Variants in HK1 observed in about 807,000 individuals in gnomAD.
The protein encoded by HK1 is hexokinase-1.
A neutral mutation model predicts 91.6 loss-of-function variants in HK1; 28 were observed. The observed-to-expected ratio is 0.31, with a 90% CI of 0.23 to 0.42. The LOEUF (loss-of-function observed/expected upper bound fraction) is 0.42, where lower values mean the gene tolerates loss of function less well. Ranked by LOEUF, HK1 falls within the 10% of genes least tolerant of loss-of-function variation. HK1 has a pLI of 1.00. For synonymous variants in HK1, 430 were observed against 468.1 expected, an observed-to-expected ratio of 0.92 and a Z score of 1.05; for missense variants, 770 against 1,219.8, an observed-to-expected ratio of 0.63 and a Z score of 5.49.
chr10:69,353,204 C>T (rs565160526), intron 2 of HK1, among the ~76,000 whole-genome samples: 3 of 152,248 alleles, frequency 2.0e-5, no homozygotes, highest in African/African-American at 7.2e-5. Flanking sequence ...CCCCATGCCG[C>T]CTCCAGGGAG....
Position 69,360,121 on chromosome 10 carries a change from G to A in HK1, c.375+76G>A, listed in dbSNP as rs1043755055. On this transcript the variant is annotated intron_variant, in intron 3 of 17. Transcript: ENST00000359426. ...TTACCTCCAGGAACCAGGCCTCAAA[G>A]CACTGGCATCCCAAGCCCCTGGAAG... 40 of 1,397,892 alleles carry A rather than the reference G, an allele frequency of 2.9e-5. No individual in the cohort carries two copies. The African/African-American group carries it at 4.9e-4, about 17-fold the overall frequency. 86.6% of individuals were successfully genotyped at this position (1,397,892 alleles called of 1,614,324 possible).
chr10:69,369,583 C>T lies in HK1; in HGVS notation c.834C>T (p.Asp278=), dbSNP rs1849892295. The change falls in exon 7 of 18, where the codon GAC becomes GAT. Residue 278 remains aspartate (D), a synonymous_variant. Transcript: ENST00000359426. The surrounding 1 kb of genome is among the most constrained non-coding windows in gnomAD (Gnocchi z 4.4). ...GSLEDIRTEF[D]REIDRGSLNP... is the part of the protein sequence containing the mutation. ...TAGAAGACATCCGGACAGAGTTTGA[C>T]AGGGAGATAGACCGGGGATCCCTCA... is the stretch of plus-strand genomic sequence containing the variant. 3.1e-6 allele frequency: 5 copies of T among 1,614,200 alleles called. No individual in the cohort carries two copies. Among genetic ancestry groups the T allele is most frequent in the Non-Finnish European group, 4.2e-6 (5 of 1,180,040 alleles).
In HK1 at chr10:69,401,570, C is replaced by T. The variant is rs1423917354; in HGVS notation, c.*435C>T. On this transcript the variant is annotated 3_prime_UTR_variant, in exon 18 of 18. Transcript: ENST00000359426. Reference sequence around the variant, plus strand: ...CAGCAGACACTGCCGGGCCTCCCTCCCGGGGGCACTGCCTGAAGGCGAGTG... The same window carrying T: ...CAGCAGACACTGCCGGGCCTCCCTCTCGGGGGCACTGCCTGAAGGCGAGTG... The T allele has an allele frequency of 1.1e-5, 4 of 366,706 alleles. No homozygotes were observed. The highest frequency in any genetic ancestry group is 2.1e-5 in the Non-Finnish European group (4 of 186,840). 22.7% of individuals were successfully genotyped at this position (366,706 alleles called of 1,614,324 possible). A position where few individuals can be genotyped will look rare whatever the true frequency, so the allele number is the denominator to read the frequency against.
intron 4 of HK1, among the ~76,000 whole-genome samples, chr10:69,299,904 C>T (rs1845768406): frequency 1.3e-5 from 2 of 151,702 alleles, no homozygotes; most frequent in Non-Finnish European, 2.9e-5. Context: ...TCATGATTCG[C>T]CTGCCTTGGC....
chr10:69,382,966 G>C (rs1486970194), intron 10 of HK1, among the ~76,000 whole-genome samples, 175 bp downstream of exon 10: 4 of 152,174 alleles, frequency 2.6e-5, no homozygotes, highest in Non-Finnish European at 5.9e-5. Context: ...TTTGTCATGT[G>C]TGTGACTCAG....
Position 69,272,498 on chromosome 10 carries a change from G to A in HK1, c.-391+2390G>A, listed in dbSNP as rs544951507. On this transcript the variant is annotated intron_variant, in intron 1 of 21. Coordinates refer to the HK1 transcript ENST00000360289. ...ACGCAACTTTTGTTTGTCTGAAAATGTCTTTTTACCCTTCCTTTTTTAAGA... is the reference window on the plus strand; with the variant it reads ...ACGCAACTTTTGTTTGTCTGAAAATATCTTTTTACCCTTCCTTTTTTAAGA... 2.6e-4 allele frequency among the ~76,000 whole-genome samples: 39 copies of A among 152,268 alleles called. No homozygotes were observed. The South Asian group carries it at 7.5e-3, about 29-fold the overall frequency.
chr10:69,377,870 T>C (rs1167273225), intron 8 of HK1, among the ~76,000 whole-genome samples: 1 of 152,196 alleles, frequency 6.6e-6, no homozygotes, highest in Non-Finnish European at 1.5e-5. Flanking sequence ...GAAACACCGG[T>C]TAACAGATGA....
Position 69,288,762 on chromosome 10 carries a change from C to T in HK1, c.-123C>T, listed in dbSNP as rs779250530. 16 of 1,613,216 alleles carry T rather than the reference C, an allele frequency of 9.9e-6. No individual in the cohort carries two copies. Among genetic ancestry groups the T allele is most frequent in the East Asian group, 6.7e-5 (3 of 44,870 alleles). ...CCCCACAATGGGGCAGATCTGCCAG[C>T]GAGAATCGGTAAGCTCTGGTGTTTC... On this transcript the variant is annotated 5_prime_UTR_variant, in exon 3 of 22. Coordinates refer to the HK1 transcript ENST00000360289.
At chr10:69,355,436 T>A (rs1361408262) in intron 2 of HK1, among the ~76,000 whole-genome samples, 1 of 152,158 alleles carries the variant, frequency 6.6e-6, no homozygotes, top group African/African-American at 2.4e-5. Context: ...AATCAAGACA[T>A]GTGGTACTGG....
intron 15 of HK1, among the ~76,000 whole-genome samples, chr10:69,393,071 T>G (rs2132943806): frequency 6.6e-6 from 1 of 152,276 alleles, no homozygotes; most frequent in Admixed American, 6.5e-5. Context: ...AACCTCCACC[T>G]CCCGGGTTCA....
At chr10:69,288,869 C>T in intron 3 of HK1, 1 of 995,040 alleles carries the variant, frequency 1.0e-6, no homozygotes, top group Non-Finnish European at 1.6e-6. Context: ...TCACTATAAC[C>T]TCTGCCTCCC....
intron 1 of HK1, among the ~76,000 whole-genome samples, chr10:69,275,856 G>A (rs974338342): frequency 5.3e-5 from 8 of 151,682 alleles, no homozygotes; most frequent in African/African-American, 1.2e-4. Context: ...TTGGGAGGCC[G>A]AGGCAGGTGG....
At chr10:69,283,124 C>CAAAAA (rs34547808) in intron 2 of HK1, among the ~76,000 whole-genome samples, 7 of 60,816 alleles carry the variant, frequency 1.2e-4, no homozygotes, top group South Asian at 7.1e-4. Flanking sequence ...AACTCAGTTT[C>CAAAAA]AAAAAAAAAA....
chr10:69,334,255 G>C lies in HK1; in HGVS notation c.64-9572G>C, dbSNP rs77951124. Reference sequence around the variant, plus strand: ...AGACCGGGCAAGGCTGTGTCCCCAGGATGGGGTTTTTGAGTGCCTGAGGGA... The same window carrying C: ...AGACCGGGCAAGGCTGTGTCCCCAGCATGGGGTTTTTGAGTGCCTGAGGGA... On this transcript the variant is annotated intron_variant, in intron 1 of 17. Transcript: ENST00000359426. Among the ~76,000 whole-genome samples the C allele has an allele frequency of 8.1e-3, 1,235 of 152,328 alleles. 14 individuals are homozygous for C. Among genetic ancestry groups the C allele is most frequent in the African/African-American group, 0.029 (1,190 of 41,566 alleles).
At chr10:69,306,381 T>G (rs1435337139) in intron 5 of HK1, among the ~76,000 whole-genome samples, 3 of 141,270 alleles carry the variant, frequency 2.1e-5, no homozygotes, top group Non-Finnish European at 3.1e-5. Context: ...TAAAATAAAA[T>G]AAAAAATAAA....
intron 13 of HK1, among the ~76,000 whole-genome samples, chr10:69,388,936 CTA>C (rs1839771866): frequency 6.6e-6 from 1 of 152,228 alleles, no homozygotes; most frequent in South Asian, 2.1e-4. Context: ...CTCTCCTATT[CTA>C]TGATTCCTCT....
chr10:69,338,734 AGT>A, intron 1 of HK1: 4 of 1,230,800 alleles, frequency 3.2e-6, no homozygotes, highest in Non-Finnish European at 4.2e-6. Context: ...TGTATGTGTG[AGT>A]GTGTGAGAGT....
chr10:69,351,210 AAT>A (rs1848851499), intron 2 of HK1, among the ~76,000 whole-genome samples: 2 of 121,796 alleles, frequency 1.6e-5, no homozygotes, highest in Admixed American at 7.5e-5. Flanking sequence ...TAAATAAATA[AAT>A]AAAACCAAAG....
chr10:69,298,409 T>C (rs879749312), intron 4 of HK1, among the ~76,000 whole-genome samples: 5 of 151,658 alleles, frequency 3.3e-5, no homozygotes, highest in Admixed American at 6.6e-5. Flanking sequence ...GAGGATCACT[T>C]GAGGCCAGGG....
Sources: allele counts gnomAD v4.1 joint callset (sites outside exome capture counted in the v4.1 genomes callset), GRCh38; gene constraint gnomAD v4.1.1; non-coding constraint Gnocchi (gnomAD v3.1); transcripts MANE v1.5; gene names NCBI Gene and HGNC (gene_info 2026-07-23, HGNC 2026-07-21).